CNTN5: variants seen among roughly 807,000 people sequenced by gnomAD.
The protein encoded by CNTN5 is contactin 5, also known as contactin-5.
In CNTN5, 77 loss-of-function variants were observed where a neutral mutation model predicts 129.1. The observed-to-expected ratio is 0.60, with a 90% CI of 0.50 to 0.72. The LOEUF (loss-of-function observed/expected upper bound fraction) is 0.72. Among genes scored for constraint, CNTN5 ranks in the 30% least tolerant of loss-of-function variants. CNTN5 has a pLI of 0.00. For synonymous variants in CNTN5, 509 were observed against 465.6 expected, an observed-to-expected ratio of 1.09 and a Z score of -1.20; for missense variants, 1,478 against 1,328.8, an observed-to-expected ratio of 1.11 and a Z score of -1.75.
At chr11:99,205,389 A>G (rs1456542727) in intron 1 of CNTN5, among the ~76,000 whole-genome samples, 1 of 152,118 alleles carries the variant, frequency 6.6e-6, no homozygotes, top group African/African-American at 2.4e-5. Flanking sequence ...CTCAAGACCC[A>G]GAGCTTACCG....
intron 3 of CNTN5, among the ~76,000 whole-genome samples, chr11:99,708,687 G>A (rs1238107839): frequency 6.6e-6 from 1 of 151,490 alleles, no homozygotes; most frequent in Non-Finnish European, 1.5e-5. Context: ...TCTCACTGTG[G>A]GGTGAATGCA....
intron 16 of CNTN5, among the ~76,000 whole-genome samples, chr11:100,235,087 T>TA (rs1205923367): frequency 3.9e-5 from 6 of 152,202 alleles, no homozygotes; most frequent in Non-Finnish European, 7.3e-5. Context: ...CCTTTAATGT[T>TA]AAAAAAGATG....
At chr11:99,101,069 G>A (rs1460553367) in intron 1 of CNTN5, among the ~76,000 whole-genome samples, 2 of 152,172 alleles carry the variant, frequency 1.3e-5, no homozygotes, top group East Asian at 3.9e-4. Context: ...CAATGATAGT[G>A]GAAGGCGAAA....
chr11:99,960,247 T>C (rs1417629691), intron 8 of CNTN5, among the ~76,000 whole-genome samples: 1 of 152,216 alleles, frequency 6.6e-6, no homozygotes, highest in Non-Finnish European at 1.5e-5. Flanking sequence ...AATAATATAC[T>C]GAAATTTCTA....
chr11:100,074,595 A>G (rs1164052102), intron 13 of CNTN5, among the ~76,000 whole-genome samples: 3 of 152,158 alleles, frequency 2.0e-5, no homozygotes, highest in African/African-American at 4.8e-5. Context: ...TTCTGCATTT[A>G]GGAGGTCTAC....
At chr11:100,353,532 G>A (rs1236790171) in intron 24 of CNTN5, among the ~76,000 whole-genome samples, 1 of 151,596 alleles carries the variant, frequency 6.6e-6, no homozygotes, top group African/African-American at 2.4e-5. Flanking sequence ...AAAGTGTCAG[G>A]TAAGTTGATT....
intron 7 of CNTN5, among the ~76,000 whole-genome samples, chr11:99,924,418 T>G (rs1950014080): frequency 6.6e-6 from 1 of 152,202 alleles, no homozygotes; most frequent in South Asian, 2.1e-4. Flanking sequence ...TTAATTTTTG[T>G]GTATGATCAG....
chr11:99,567,851 T>C (rs956001259), intron 3 of CNTN5, among the ~76,000 whole-genome samples: 1 of 152,184 alleles, frequency 6.6e-6, no homozygotes, highest in Admixed American at 6.5e-5. Flanking sequence ...AATTTCTCCT[T>C]GTCAGTGGGC....
At chr11:100,002,239 T>A in intron 9 of CNTN5, 103 bp downstream of exon 9, 1 of 667,070 alleles carries the variant, frequency 1.5e-6, no homozygotes, top group Non-Finnish European at 2.4e-6. Context: ...CCCCAGTTGT[T>A]CCATGGTGGC....
intron 6 of CNTN5, among the ~76,000 whole-genome samples, chr11:99,856,038 A>C (rs1948024244): frequency 6.6e-6 from 1 of 152,218 alleles, no homozygotes; most frequent in Non-Finnish European, 1.5e-5. Context: ...TAAAAAATGC[A>C]GAGAGAAGTA....
intron 6 of CNTN5, among the ~76,000 whole-genome samples, chr11:99,851,179 CTTAG>C (rs1947862665): frequency 6.6e-6 from 1 of 152,030 alleles, no homozygotes; most frequent in Non-Finnish European, 1.5e-5. Context: ...CATGGTTCAG[CTTAG>C]TTAGTGTTAA....
intron 2 of CNTN5, among the ~76,000 whole-genome samples, chr11:99,350,177 G>A (rs1007127983): frequency 1.4e-4 from 22 of 152,090 alleles, no homozygotes; most frequent in African/African-American, 5.1e-4. Context: ...GGTGACTGAT[G>A]TACTTTCCCT....
At chr11:99,366,485 C>G (rs1939451505) in intron 2 of CNTN5, among the ~76,000 whole-genome samples, 1 of 152,144 alleles carries the variant, frequency 6.6e-6, no homozygotes, top group Non-Finnish European at 1.5e-5. Flanking sequence ...GAAGGAAGGT[C>G]TCCACTGATA....
intron 7 of CNTN5, among the ~76,000 whole-genome samples, chr11:99,935,446 T>G (rs1466818046): frequency 6.6e-6 from 1 of 152,100 alleles, no homozygotes; most frequent in African/African-American, 2.4e-5. Flanking sequence ...TTTTAATGGC[T>G]GTATGTATTC....
intron 2 of CNTN5, among the ~76,000 whole-genome samples, chr11:99,408,452 A>AAGAAAGAAAGAAAGAAAGAAAG (rs1942216314): frequency 2.1e-4 from 19 of 91,072 alleles, no homozygotes; most frequent in Non-Finnish European, 3.1e-4. Context: ...AAGAAAGAGA[A>AAGAAAGAAAGAAAGAAAGAAAG]AGAAAGAAAG....
chr11:99,349,169 C>T (rs768499750), intron 2 of CNTN5, among the ~76,000 whole-genome samples: 7 of 152,144 alleles, frequency 4.6e-5, no homozygotes, highest in Non-Finnish European at 8.8e-5. Context: ...TATGGCCAGA[C>T]CACCCTGAAT....
At chr11:99,583,272 G>T (rs1949677149) in intron 3 of CNTN5, among the ~76,000 whole-genome samples, 1 of 152,212 alleles carries the variant, frequency 6.6e-6, no homozygotes, top group Non-Finnish European at 1.5e-5. Context: ...TTGGGGGTCA[G>T]GGACCCACTT....
At chr11:99,879,227 C>A (rs1024489782) in intron 6 of CNTN5, among the ~76,000 whole-genome samples, 8 of 152,018 alleles carry the variant, frequency 5.3e-5, no homozygotes, top group Admixed American at 3.9e-4. Context: ...CGTGATCCAC[C>A]GTGCCTGGCC....
chr11:99,376,515 G>A (rs1417513705), intron 2 of CNTN5, among the ~76,000 whole-genome samples: 1 of 152,130 alleles, frequency 6.6e-6, no homozygotes, highest in East Asian at 1.9e-4. Flanking sequence ...AATTGTCCTT[G>A]TAGTTTACTT....
Sources: allele counts gnomAD v4.1 joint callset (sites outside exome capture counted in the v4.1 genomes callset), GRCh38; gene constraint gnomAD v4.1.1; transcripts MANE v1.5; gene names NCBI Gene and HGNC (gene_info 2026-07-23, HGNC 2026-07-21).